Variants in SUPT16H observed in about 807,000 individuals in gnomAD.
SUPT16H encodes SPT16 homolog, facilitates chromatin remodeling subunit.
A neutral mutation model predicts 136.2 loss-of-function variants in SUPT16H; 24 were observed. The observed-to-expected ratio is 0.18, with a 90% CI of 0.13 to 0.25. The LOEUF is 0.25. Ranked by LOEUF, SUPT16H falls within the 10% of genes least tolerant of loss-of-function variation. SUPT16H has a pLI of 1.00. For synonymous variants in SUPT16H, 415 were observed against 428.2 expected (o/e 0.97, Z 0.38); for missense variants, 623 against 1,270.2 (o/e 0.49, Z 7.74).
At chr14:21,354,602 C>A in intron 22 of SUPT16H, 62 bp from the exon 23 acceptor site, 2 of 1,583,966 alleles carry the variant, frequency 1.3e-6, no homozygotes, top group South Asian at 2.3e-5. Context: ...ATTCTTTCTT[C>A]TTTTTTTGAG....
intron 25 of SUPT16H, among the ~76,000 whole-genome samples, chr14:21,353,019 T>G (rs1398101187): frequency 6.6e-6 from 1 of 152,238 alleles, no homozygotes; most frequent in Non-Finnish European, 1.5e-5. Context: ...GAAAACTACC[T>G]ATTCCCAATG....
chr14:21,356,142 G>A (rs908433601), intron 22 of SUPT16H, among the ~76,000 whole-genome samples: 6 of 152,166 alleles, frequency 3.9e-5, no homozygotes, highest in African/African-American at 1.2e-4. Context: ...GGGACAGCTA[G>A]AATTTGTGGA....
chr14:21,371,748 T>C (rs574071311), intron 3 of SUPT16H, 126 bp downstream of exon 3: 1 of 1,130,360 alleles, frequency 8.8e-7, no homozygotes, highest in South Asian at 1.5e-5. Flanking sequence ...TGACAGAACT[T>C]TGTAATTACA....
chr14:21,380,296 ATT>A (rs60588939), intron 1 of SUPT16H, among the ~76,000 whole-genome samples: 33 of 112,030 alleles, frequency 2.9e-4, no homozygotes, highest in African/African-American at 7.7e-4. Flanking sequence ...GGAAGACTGA[ATT>A]TTTTTTTTTT....
intron 1 of SUPT16H, among the ~76,000 whole-genome samples, chr14:21,374,958 C>T (rs1409500869): frequency 1.3e-5 from 2 of 152,074 alleles, no homozygotes; most frequent in Non-Finnish European, 2.9e-5. Context: ...CCACGTTAAC[C>T]AACAGTTTTT....
In SUPT16H at chr14:21,361,214, C is replaced by A; in HGVS notation, c.1794-1G>T. 6.2e-7 allele frequency: 1 copy of A among 1,613,104 alleles called. No homozygotes were observed. Among genetic ancestry groups the A allele is most frequent in the Non-Finnish European group, 8.5e-7 (1 of 1,179,818 alleles). On this transcript the variant is annotated splice_acceptor_variant, in intron 15 of 25. Coordinates refer to ENST00000216297, the MANE Select transcript of SUPT16H (RefSeq NM_007192.4). LOFTEE classifies it high-confidence loss of function. ...CTTAATATTTGATGCTCGGTATGTA[C>A]TGCAGAAAAGCAACAGCATTTATAG...
Position 21,371,958 on chromosome 14 carries a change from C to T in SUPT16H, c.246G>A (p.Val82=). 6.2e-7 allele frequency: 1 copy of T among 1,614,036 alleles called. No homozygotes were observed. Among genetic ancestry groups the T allele is most frequent in the Admixed American group, 1.7e-5 (1 of 60,020 alleles). Residue 82 remains valine, a synonymous_variant, in exon 3 of 26, where the codon GTG becomes GTA. Transcript: ENST00000216297. ...TGTTGGCAATCTGTTTCAAGAACTC[C>T]ACTTTTTTCTTGCTGGCCATAAAGA... ...KIIFMASKKK[V]EFLKQIANTK...
chr14:21,374,797 G>C (rs576319530), intron 1 of SUPT16H, among the ~76,000 whole-genome samples: 1 of 152,142 alleles, frequency 6.6e-6, no homozygotes, highest in South Asian at 2.1e-4. Flanking sequence ...AATATGTTTT[G>C]TATGGACATT....
At chr14:21,357,163 G>A in intron 22 of SUPT16H, 34 bp downstream of exon 22, 1 of 1,514,336 alleles carries the variant, frequency 6.6e-7, no homozygotes, top group Non-Finnish European at 8.9e-7. Context: ...AGGGCTCATG[G>A]GCTAAATGGG....
intron 1 of SUPT16H, among the ~76,000 whole-genome samples, chr14:21,374,802 G>C (rs1332755250): frequency 6.6e-6 from 1 of 152,154 alleles, no homozygotes; most frequent in Non-Finnish European, 1.5e-5. Context: ...GTTTTGTATG[G>C]ACATTTCTCT....
chr14:21,360,739 T>G, intron 17 of SUPT16H, 107 bp downstream of exon 17: 20 of 1,482,770 alleles, frequency 1.3e-5, no homozygotes, highest in Non-Finnish European at 1.5e-5. Flanking sequence ...TTTAACCAAC[T>G]GAGCTAACCG....
At position 21,369,236 on chromosome 14, in the gene SUPT16H, A is replaced by G; in HGVS notation, c.750T>C (p.Gly250=). The change falls in exon 6 of 26, where the codon GGT becomes GGC. Residue 250 remains glycine, a synonymous_variant. Coordinates refer to ENST00000216297, the MANE Select transcript of SUPT16H (RefSeq NM_007192.4). The stretch of plus-strand genomic sequence containing the variant: ...CACTGAACTTGAGATTATAGTTGCC[A>G]CCACTCTGAATGATAGGAGGGTAAC... ...EMCYPPIIQS[G]GNYNLKFSVV... 6.2e-7 allele frequency: 1 copy of G among 1,614,114 alleles called. No homozygotes were observed. The highest frequency in any genetic ancestry group is 1.7e-4 in the Middle Eastern group (1 of 6,016).
chr14:21,366,627 C>A, intron 7 of SUPT16H, 98 bp from the exon 8 acceptor site: 1 of 1,131,600 alleles, frequency 8.8e-7, no homozygotes, highest in Non-Finnish European at 1.3e-6. Context: ...AGCAGTGTTT[C>A]TCAAAGTGTG....
Position 21,364,732 on chromosome 14 carries a change from T to C in SUPT16H, c.1233+95A>G, listed in dbSNP as rs564443364. The stretch of plus-strand genomic sequence containing the variant: ...TGTCACACGGATTCTTCCCCTTAGC[T>C]AGCATTTAACAAAGCAAGAAAAAAA... On this transcript the variant is annotated intron_variant, in intron 10 of 25. Transcript: ENST00000216297. The C allele has an allele frequency of 9.3e-4, 957 of 1,029,608 alleles. 20 individuals are homozygous for C. The South Asian group carries it at 0.013, about 14-fold the overall frequency. 63.8% of individuals were successfully genotyped at this position (1,029,608 alleles called of 1,614,324 possible).
chr14:21,361,730 C>T (rs139468973), intron 15 of SUPT16H, among the ~76,000 whole-genome samples: 22 of 152,248 alleles, frequency 1.4e-4, no homozygotes, highest in African/African-American at 4.3e-4. Context: ...GAAGATTCTA[C>T]TGCAATATAT....
intron 1 of SUPT16H, among the ~76,000 whole-genome samples, chr14:21,377,917 T>C (rs1166882828): frequency 6.6e-6 from 1 of 152,184 alleles, no homozygotes; most frequent in Non-Finnish European, 1.5e-5. Context: ...AATGAACCAC[T>C]GCGCCTGGCC....
At chr14:21,367,340 C>T (rs913492019) in intron 7 of SUPT16H, among the ~76,000 whole-genome samples, 17 of 152,304 alleles carry the variant, frequency 1.1e-4, no homozygotes, top group African/African-American at 4.1e-4. Flanking sequence ...AGTTATTATA[C>T]ATTTTCAAAA....
rs1323894576 is a variant in SUPT16H at position 21,375,170 on chromosome 14, G to A, written c.67-1740C>T. The stretch of plus-strand genomic sequence containing the variant: ...CGGGACTTCAGGTATGCACCACCAC[G>A]CCCAGCTAATTTTTATATTTCTTAG... On this transcript the variant is annotated intron_variant, in intron 1 of 25. Transcript: ENST00000216297. 4.0e-5 allele frequency among the ~76,000 whole-genome samples: 6 copies of A among 151,840 alleles called. No individual in the cohort carries two copies. In the South Asian group the frequency reaches 8.3e-4, roughly 21 times the overall value.
intron 22 of SUPT16H, among the ~76,000 whole-genome samples, chr14:21,356,433 C>T (rs1296938363): frequency 1.3e-5 from 2 of 152,158 alleles, no homozygotes; most frequent in South Asian, 2.1e-4. Flanking sequence ...AGTATTGCCT[C>T]GTAGTAAGGC....
Sources: gnomAD v4.1 joint callset for allele counts (sites outside exome capture counted in the v4.1 genomes callset) on GRCh38, gnomAD v4.1.1 for gene constraint, MANE v1.5 for transcripts, NCBI Gene and HGNC (gene_info 2026-07-23, HGNC 2026-07-21) for gene names.